Variants in DCLK1 observed in about 807,000 individuals in gnomAD.
DCLK1 encodes doublecortin like kinase 1, also known as serine/threonine-protein kinase DCLK1.
A neutral mutation model predicts 86.2 loss-of-function variants in DCLK1; 16 were observed. The observed-to-expected ratio is 0.19, with a 90% confidence interval of 0.13 to 0.28. The LOEUF (loss-of-function observed/expected upper bound fraction) is 0.28, where lower values mean the gene tolerates loss of function less well. Among genes scored for constraint, DCLK1 ranks in the 10% least tolerant of loss-of-function variants. The pLI is 1.00. For missense variants in DCLK1, 590 were observed against 940.2 expected (o/e 0.63, Z 4.87); for synonymous variants, 369 against 370.5 (o/e 1.00, Z 0.05).
chr13:35,875,938 G>C (rs761298645), intron 4 of DCLK1, among the ~76,000 whole-genome samples: 1 of 152,114 alleles, frequency 6.6e-6, no homozygotes, highest in Non-Finnish European at 1.5e-5. Flanking sequence ...TCTTGGGTTG[G>C]TGGCTTCCTC....
At chr13:35,929,877 T>TTA (rs951548895) in intron 4 of DCLK1, among the ~76,000 whole-genome samples, 6 of 151,236 alleles carry the variant, frequency 4.0e-5, no homozygotes, top group African/African-American at 1.2e-4. Flanking sequence ...TTTTTTTTTT[T>TTA]ACTAAAAGCT....
intron 4 of DCLK1, among the ~76,000 whole-genome samples, chr13:35,924,274 T>C (rs1256670505): frequency 6.6e-6 from 1 of 152,032 alleles, no homozygotes; most frequent in Non-Finnish European, 1.5e-5. Context: ...TAAATGGCTG[T>C]CTCAGAGCAT....
At chr13:35,977,098 A>G (rs541164829) in intron 3 of DCLK1, among the ~76,000 whole-genome samples, 2 of 149,816 alleles carry the variant, frequency 1.3e-5, no homozygotes, top group Admixed American at 6.8e-5. Context: ...ACAAAAATAA[A>G]ATGCTGTATT....
intron 3 of DCLK1, among the ~76,000 whole-genome samples, chr13:35,974,391 G>A (rs988733095): frequency 6.6e-6 from 1 of 152,212 alleles, no homozygotes; most frequent in Non-Finnish European, 1.5e-5. Flanking sequence ...AAGGACACAA[G>A]GGGAGGGTGT....
At chr13:36,026,149 G>A (rs1031816282) in intron 3 of DCLK1, among the ~76,000 whole-genome samples, 1 of 152,142 alleles carries the variant, frequency 6.6e-6, no homozygotes, top group Non-Finnish European at 1.5e-5. Context: ...TGTGAACCAG[G>A]TATTTTGAGA....
intron 5 of DCLK1, among the ~76,000 whole-genome samples, chr13:35,854,846 G>A (rs1870933878): frequency 6.6e-6 from 1 of 152,172 alleles, no homozygotes; most frequent in African/African-American, 2.4e-5. Flanking sequence ...CAACTTTCCT[G>A]ATGAATGTAT....
At chr13:35,822,951 A>G in intron 10 of DCLK1, 76 bp from the exon 11 acceptor site, 1 of 1,520,542 alleles carries the variant, frequency 6.6e-7, no homozygotes, top group Non-Finnish European at 9.0e-7. Context: ...CCATTGACAA[A>G]CCCCAAAGGA....
intron 3 of DCLK1, among the ~76,000 whole-genome samples, chr13:36,020,212 A>G (rs919644830): frequency 4.6e-5 from 7 of 152,132 alleles, no homozygotes; most frequent in Admixed American, 3.3e-4. Context: ...TCTTTTCTCT[A>G]TAAGTTACCC....
chr13:35,866,339 T>A (rs1273679193), intron 5 of DCLK1, among the ~76,000 whole-genome samples: 2 of 152,166 alleles, frequency 1.3e-5, no homozygotes, highest in African/African-American at 2.4e-5. Flanking sequence ...AACTTTATAA[T>A]ACGCTCCAAT....
intron 3 of DCLK1, among the ~76,000 whole-genome samples, chr13:36,003,779 C>G (rs1880827594): frequency 6.6e-6 from 1 of 152,084 alleles, no homozygotes; most frequent in African/African-American, 2.4e-5. Flanking sequence ...AGATATACGG[C>G]CATCCTGAAA....
At chr13:36,119,780 C>G (rs1027861840) in intron 2 of DCLK1, among the ~76,000 whole-genome samples, 3 of 152,144 alleles carry the variant, frequency 2.0e-5, no homozygotes, top group Admixed American at 2.0e-4. Context: ...GACACAACAA[C>G]TAAATGCAAT....
Position 35,853,873 on chromosome 13 carries a change from G to C in DCLK1, c.1035+626C>G, listed in dbSNP as rs570350207. 1.5e-4 allele frequency among the ~76,000 whole-genome samples: 23 copies of C among 152,262 alleles called. No homozygotes were observed. In the South Asian group the frequency reaches 4.8e-3, roughly 32 times the overall value. On this transcript the variant is annotated intron_variant, in intron 6 of 16. Coordinates refer to ENST00000360631, the MANE Select transcript of DCLK1 (RefSeq NM_001330071.2). The stretch of plus-strand genomic sequence containing the variant: ...AACAGTACAGGTTGTGACAGGATAA[G>C]AACAGTAGTCTCTCCATCCTGAAAG...
chr13:35,787,073 CATATATATATATT>C (rs1273443779), intron 16 of DCLK1, among the ~76,000 whole-genome samples: 2 of 149,810 alleles, frequency 1.3e-5, no homozygotes, highest in African/African-American at 2.4e-5. Flanking sequence ...GGGCTAAAAT[CATATATATATATT>C]ATATATATAT....
intron 3 of DCLK1, among the ~76,000 whole-genome samples, chr13:36,089,041 C>A (rs1884720721): frequency 6.6e-6 from 1 of 152,144 alleles, no homozygotes; most frequent in Non-Finnish European, 1.5e-5. Flanking sequence ...AAAAAATTCT[C>A]TCAATCTACT....
chr13:35,999,361 T>C (rs945777421), intron 3 of DCLK1, among the ~76,000 whole-genome samples: 1 of 152,142 alleles, frequency 6.6e-6, no homozygotes, highest in African/African-American at 2.4e-5. Flanking sequence ...AGCCTGCCTG[T>C]TCCAGAGCTG....
At chr13:35,794,270 A>C (rs553120059) in intron 15 of DCLK1, among the ~76,000 whole-genome samples, 7 of 152,214 alleles carry the variant, frequency 4.6e-5, no homozygotes, top group Non-Finnish European at 8.8e-5. Context: ...CTCACTATAG[A>C]ATCTCCAGGT....
intron 3 of DCLK1, among the ~76,000 whole-genome samples, chr13:36,104,779 C>T (rs921667800): frequency 6.6e-6 from 1 of 151,964 alleles, no homozygotes; most frequent in African/African-American, 2.4e-5. Flanking sequence ...ATCTGCATCG[C>T]ATTCACAACT....
At chr13:35,986,287 G>T (rs986413162) in intron 3 of DCLK1, among the ~76,000 whole-genome samples, 3 of 114,572 alleles carry the variant, frequency 2.6e-5, no homozygotes, top group African/African-American at 1.0e-4. Context: ...GGGTGACAGA[G>T]TGGACTCCGT....
At chr13:35,796,852 G>A (rs1369607963) in intron 15 of DCLK1, among the ~76,000 whole-genome samples, 1 of 152,228 alleles carries the variant, frequency 6.6e-6, no homozygotes, top group Non-Finnish European at 1.5e-5. Flanking sequence ...TGGCACAGTG[G>A]TGAGGCGGAA....
Sources: allele counts gnomAD v4.1 joint callset (sites outside exome capture counted in the v4.1 genomes callset), GRCh38; gene constraint gnomAD v4.1.1; transcripts MANE v1.5; gene names NCBI Gene and HGNC (gene_info 2026-07-23, HGNC 2026-07-21).